PTPRD: variants seen among roughly 807,000 people sequenced by gnomAD.
The protein encoded by PTPRD is receptor-type tyrosine-protein phosphatase delta.
In PTPRD, 34 loss-of-function variants were observed where a neutral mutation model predicts 214.5. The ratio of observed to expected loss-of-function variants is 0.16; its 90% CI spans 0.12 to 0.21. The LOEUF is 0.21. Among genes scored for constraint, PTPRD ranks in the 10% least tolerant of loss-of-function variants. PTPRD has a pLI of 1.00. For missense variants in PTPRD, 2,545 were observed against 2,398.7 expected, an observed-to-expected ratio of 1.06 and a Z score of -1.27; for synonymous variants, 1,128 against 845.7, an observed-to-expected ratio of 1.33 and a Z score of -5.79.
chr9:9,295,420 T>C (rs1237311850), intron 9 of PTPRD, among the ~76,000 whole-genome samples: 2 of 151,700 alleles, frequency 1.3e-5, no homozygotes, highest in African/African-American at 4.8e-5. Context: ...ATATACTCTA[T>C]CATTGTAACA....
chr9:10,055,232 C>T (rs1203853329), intron 3 of PTPRD, among the ~76,000 whole-genome samples: 1 of 152,116 alleles, frequency 6.6e-6, no homozygotes, highest in Non-Finnish European at 1.5e-5. Context: ...GACCAAGACA[C>T]TTGCCTGCTT....
intron 4 of PTPRD, among the ~76,000 whole-genome samples, chr9:9,952,211 G>C (rs890144321): frequency 6.6e-6 from 1 of 152,168 alleles, no homozygotes; most frequent in Non-Finnish European, 1.5e-5. Context: ...TGGTAACTTT[G>C]AAGAGCTCAA....
chr9:9,677,919 C>T (rs933016554), intron 7 of PTPRD, among the ~76,000 whole-genome samples: 1 of 152,036 alleles, frequency 6.6e-6, no homozygotes, highest in African/African-American at 2.4e-5. Flanking sequence ...TTCTTACACA[C>T]CAATAACAGA....
chr9:9,656,509 A>G (rs772078565), intron 7 of PTPRD, among the ~76,000 whole-genome samples: 28 of 152,326 alleles, frequency 1.8e-4, no homozygotes, highest in South Asian at 6.2e-4. Flanking sequence ...GCTGATCTTA[A>G]AGGGCTACAT....
intron 3 of PTPRD, among the ~76,000 whole-genome samples, chr9:10,156,232 G>C (rs2099092616): frequency 6.6e-6 from 1 of 151,684 alleles, no homozygotes; most frequent in Non-Finnish European, 1.5e-5. Context: ...ATGTTAGGTT[G>C]TTAATTTGAG....
intron 35 of PTPRD, among the ~76,000 whole-genome samples, chr9:8,422,132 G>C (rs1220977227): frequency 1.1e-5 from 1 of 91,332 alleles, no homozygotes; most frequent in Non-Finnish European, 1.9e-5. Flanking sequence ...GGGTGAAAGA[G>C]AGAGACCCTG....
intron 12 of PTPRD, among the ~76,000 whole-genome samples, chr9:8,689,197 C>T (rs1328615085): frequency 1.3e-5 from 2 of 152,052 alleles, no homozygotes; most frequent in East Asian, 3.9e-4. Flanking sequence ...CTAATTGATA[C>T]CAATATCATT....
At chr9:9,253,740 A>ACTGATTG (rs1228458847) in intron 9 of PTPRD, among the ~76,000 whole-genome samples, 2 of 152,098 alleles carry the variant, frequency 1.3e-5, no homozygotes, top group African/African-American at 2.4e-5. Flanking sequence ...GTTGAGCTTC[A>ACTGATTG]CTGATTGCTT....
chr9:10,570,531 G>T (rs1195756650), intron 2 of PTPRD, among the ~76,000 whole-genome samples: 1 of 151,986 alleles, frequency 6.6e-6, no homozygotes, highest in Non-Finnish European at 1.5e-5. Context: ...TTGGAATTCT[G>T]AAGAACTTAG....
intron 9 of PTPRD, among the ~76,000 whole-genome samples, chr9:9,225,686 C>T (rs1201906567): frequency 6.6e-6 from 1 of 151,958 alleles, no homozygotes; most frequent in African/African-American, 2.4e-5. Context: ...ATTCTAGACT[C>T]TGGCCTTTGA....
At chr9:8,668,482 G>A (rs1668673876) in intron 12 of PTPRD, among the ~76,000 whole-genome samples, 2 of 152,130 alleles carry the variant, frequency 1.3e-5, no homozygotes, top group African/African-American at 4.8e-5. Context: ...CAAACTGTAT[G>A]GCAAAGCGTT....
intron 11 of PTPRD, among the ~76,000 whole-genome samples, chr9:8,812,128 C>T (rs746494927): frequency 2.7e-4 from 41 of 152,228 alleles, no homozygotes; most frequent in Non-Finnish European, 2.6e-4. Context: ...AATAAGTACT[C>T]ATTAGGGAAA....
rs200885047 is a variant in PTPRD at position 8,485,903 on chromosome 9, T to C, written c.2914A>G (p.Ile972Val). 544 of 1,614,034 alleles carry C rather than the reference T, an allele frequency of 3.4e-4. 2 individuals carry two copies. Among genetic ancestry groups the C allele is most frequent in the Non-Finnish European group, 4.0e-4 (471 of 1,180,028 alleles). ...NIPLLPMEQL[I>V]VPADTTMTLT... is the part of the protein sequence containing the mutation. Reference sequence around the variant, plus strand: ...GTCATAGTGGTGTCAGCTGGAACAATAAGCTGCTCCATCGGGAGAAGGGGG... The same window carrying C: ...GTCATAGTGGTGTCAGCTGGAACAACAAGCTGCTCCATCGGGAGAAGGGGG... The change falls in exon 28 of 46, where the codon ATT (isoleucine) becomes GTT (valine). Residue 972 changes from isoleucine (I) to valine (V), a missense_variant. Coordinates refer to ENST00000381196, the MANE Select transcript of PTPRD (RefSeq NM_002839.4).
At chr9:9,977,931 A>AT (rs2095414197) in intron 4 of PTPRD, among the ~76,000 whole-genome samples, 1 of 32,458 alleles carries the variant, frequency 3.1e-5, no homozygotes, top group African/African-American at 5.7e-5. Context: ...ACCTTTCCAG[A>AT]AAAAAAAAAG....
At chr9:9,213,045 T>C (rs1328167076) in intron 9 of PTPRD, among the ~76,000 whole-genome samples, 1 of 152,152 alleles carries the variant, frequency 6.6e-6, no homozygotes, top group Non-Finnish European at 1.5e-5. Flanking sequence ...AAATTTTAAT[T>C]ATAACATGAT....
chr9:8,485,751 AC>A lies in PTPRD; in HGVS notation c.3055+10del. ...TTTAAAGGAGGAAGGCCGTAAGCAG[AC>A]AAATCCTACCTTGATCCACAGGCAG... is the stretch of plus-strand genomic sequence containing the variant. On this transcript the variant is annotated intron_variant, in intron 28 of 45. Coordinates refer to ENST00000381196, the MANE Select transcript of PTPRD (RefSeq NM_002839.4). 1 of 1,601,320 alleles carries A rather than the reference AC, an allele frequency of 6.2e-7. No homozygotes were observed. Among genetic ancestry groups the A allele is most frequent in the Non-Finnish European group, 8.5e-7 (1 of 1,173,382 alleles).
chr9:10,531,316 G>A (rs981686315), intron 2 of PTPRD, among the ~76,000 whole-genome samples: 1 of 152,106 alleles, frequency 6.6e-6, no homozygotes, highest in African/African-American at 2.4e-5. Context: ...TCATATTACA[G>A]TCAGTTCTGC....
At chr9:9,996,820 A>G (rs2096137284) in intron 4 of PTPRD, among the ~76,000 whole-genome samples, 1 of 152,200 alleles carries the variant, frequency 6.6e-6, no homozygotes, top group African/African-American at 2.4e-5. Context: ...AAATAATATT[A>G]AGAAGAACAA....
At chr9:9,172,864 T>C (rs767777614) in intron 10 of PTPRD, among the ~76,000 whole-genome samples, 8 of 152,130 alleles carry the variant, frequency 5.3e-5, no homozygotes, top group Non-Finnish European at 8.8e-5. Context: ...TTTGCCCCAT[T>C]TATTCAGTTC....
Sources: gnomAD v4.1 joint callset for allele counts (sites outside exome capture counted in the v4.1 genomes callset) on GRCh38, gnomAD v4.1.1 for gene constraint, MANE v1.5 for transcripts, NCBI Gene and HGNC (gene_info 2026-07-23, HGNC 2026-07-21) for gene names.